The following DENND4A variants were observed in gnomAD, a reference collection of about 807,000 sequenced individuals.
DENND4A encodes C-myc promoter-binding protein.
A neutral mutation model predicts 199.3 loss-of-function variants in DENND4A; 70 were observed. The observed-to-expected ratio is 0.35, with a 90% CI of 0.29 to 0.43. DENND4A has a LOEUF of 0.43. Among genes scored for constraint, DENND4A ranks in the 20% least tolerant of loss-of-function variants. The probability of loss-of-function intolerance (pLI) is 1.00; values close to 1 mark genes in which losing one functional copy is unlikely to be tolerated. For synonymous variants in DENND4A, 686 were observed against 766.9 expected, an observed-to-expected ratio of 0.89 and a Z score of 1.74; for missense variants, 1,723 against 2,255.8, an observed-to-expected ratio of 0.76 and a Z score of 4.78.
At chr15:65,710,351 A>G (rs977483748) in intron 14 of DENND4A, among the ~76,000 whole-genome samples, 1 of 152,224 alleles carries the variant, frequency 6.6e-6, no homozygotes, top group African/African-American at 2.4e-5. Context: ...CAGTGTTCTC[A>G]TGTGGATTAA....
At chr15:65,668,191 A>G in intron 27 of DENND4A, 68 bp from the exon 28 acceptor site, 1 of 1,118,082 alleles carries the variant, frequency 8.9e-7, no homozygotes, top group Non-Finnish European at 1.2e-6. Context: ...AACAAGGATC[A>G]TGTTCTCTCT....
chr15:65,720,613 T>C (rs2075587461), intron 12 of DENND4A, among the ~76,000 whole-genome samples: 1 of 151,004 alleles, frequency 6.6e-6, no homozygotes, highest in Non-Finnish European at 1.5e-5. Flanking sequence ...GGTTTTACTA[T>C]GTCGGCCAGG....
intron 20 of DENND4A, among the ~76,000 whole-genome samples, chr15:65,699,975 G>A (rs2077292655): frequency 6.6e-6 from 1 of 151,668 alleles, no homozygotes; most frequent in African/African-American, 2.4e-5. Flanking sequence ...ATCACACCCA[G>A]CCTTAAAATG....
intron 4 of DENND4A, among the ~76,000 whole-genome samples, chr15:65,750,034 G>T (rs1251268319): frequency 6.6e-6 from 1 of 152,006 alleles, no homozygotes; most frequent in Admixed American, 6.6e-5. Context: ...GTACTTTCTG[G>T]AATACTATGC....
chr15:65,715,361 G>A (rs1380709800), intron 14 of DENND4A, 117 bp downstream of exon 14: 16 of 1,031,546 alleles, frequency 1.6e-5, no homozygotes, highest in South Asian at 1.2e-4. Flanking sequence ...AGTGGTCAAC[G>A]ATGAAAATGA....
chr15:65,670,283 A>C, intron 25 of DENND4A, 95 bp from the exon 26 acceptor site: 1 of 1,078,120 alleles, frequency 9.3e-7, no homozygotes, highest in Non-Finnish European at 1.3e-6. Context: ...GATAATTAAA[A>C]CCCAGAAGGA....
intron 3 of DENND4A, 71 bp from the exon 4 acceptor site, chr15:65,752,699 T>G (rs1425050468): frequency 1.0e-6 from 1 of 981,934 alleles, no homozygotes; most frequent in East Asian, 2.7e-5. Context: ...TCAGGCATCA[T>G]CAACTGATCC....
intron 1 of DENND4A, among the ~76,000 whole-genome samples, 162 bp downstream of exon 1, chr15:65,791,848 G>A (rs886122489): frequency 3.3e-5 from 5 of 152,162 alleles, no homozygotes; most frequent in African/African-American, 1.2e-4. Flanking sequence ...ACCGAGCCGC[G>A]GAGCACCTCC....
chr15:65,727,855 G>A, intron 11 of DENND4A: 1 of 394,150 alleles, frequency 2.5e-6, no homozygotes, highest in Non-Finnish European at 4.9e-6. Flanking sequence ...AGTTCCGATA[G>A]CTATAACTTA....
chr15:65,667,396 A>G lies in DENND4A; in HGVS notation c.5241+53T>C. The G allele has an allele frequency of 4.5e-6, 7 of 1,555,810 alleles. 1 individual carries two copies. Among genetic ancestry groups the G allele is most frequent in the Non-Finnish European group, 6.1e-6 (7 of 1,142,514 alleles). On this transcript the variant is annotated intron_variant, in intron 29 of 32. Transcript: ENST00000443035. Reference sequence around the variant, plus strand: ...CTTTTTAATCATTAGGAATATGCAAACATTACAATGGTAACAGAAGCATTC... The same window carrying G: ...CTTTTTAATCATTAGGAATATGCAAGCATTACAATGGTAACAGAAGCATTC...
At chr15:65,732,158 CAAGTA>C (rs992073960) in intron 8 of DENND4A, among the ~76,000 whole-genome samples, 6 of 151,974 alleles carry the variant, frequency 3.9e-5, no homozygotes, top group East Asian at 1.9e-4. Flanking sequence ...GATCAGATGA[CAAGTA>C]AAGACTAAAA....
At chr15:65,694,146 A>T (rs1472699434) in intron 22 of DENND4A, among the ~76,000 whole-genome samples, 1 of 152,190 alleles carries the variant, frequency 6.6e-6, no homozygotes, top group Non-Finnish European at 1.5e-5. Flanking sequence ...TCAAAACATT[A>T]AATTCTCAAG....
chr15:65,721,387 T>C (rs1348338081), intron 12 of DENND4A, among the ~76,000 whole-genome samples: 4 of 152,110 alleles, frequency 2.6e-5, no homozygotes, highest in African/African-American at 9.7e-5. Flanking sequence ...CTATACACTA[T>C]GATGAATCCT....
intron 11 of DENND4A, among the ~76,000 whole-genome samples, chr15:65,726,718 G>A (rs2075811979): frequency 6.6e-6 from 1 of 152,170 alleles, no homozygotes; most frequent in African/African-American, 2.4e-5. Flanking sequence ...CCCTTTGGGA[G>A]GCCGAGGCAG....
chr15:65,764,674 T>TA (rs780717776), intron 1 of DENND4A, among the ~76,000 whole-genome samples: 3 of 147,882 alleles, frequency 2.0e-5, no homozygotes, highest in East Asian at 2.0e-4. Flanking sequence ...TAAAAGAAAT[T>TA]AAAAAAAAAT....
intron 24 of DENND4A, among the ~76,000 whole-genome samples, chr15:65,675,830 C>A: frequency 6.6e-6 from 1 of 152,072 alleles, no homozygotes. Context: ...GGCAATAGCA[C>A]TTCAAGGAAG....
At chr15:65,689,412 A>C (rs1483019445) in intron 23 of DENND4A, among the ~76,000 whole-genome samples, 1 of 152,144 alleles carries the variant, frequency 6.6e-6, no homozygotes, top group East Asian at 1.9e-4. Flanking sequence ...AAAAACTGTA[A>C]GGATTCTAAC....
chr15:65,733,784 C>G (rs986695297), intron 7 of DENND4A, among the ~76,000 whole-genome samples: 2 of 152,106 alleles, frequency 1.3e-5, no homozygotes, highest in African/African-American at 4.8e-5. Flanking sequence ...ATGACCTTAC[C>G]CCCAACGCCG....
In DENND4A at chr15:65,671,850, T is replaced by G. The variant is rs774187447; in HGVS notation, c.4406A>C (p.Glu1469Ala). 5.0e-6 allele frequency: 8 copies of G among 1,613,060 alleles called. No homozygotes were observed. The highest frequency in any genetic ancestry group is 6.8e-6 in the Non-Finnish European group (8 of 1,179,044). Reference protein sequence around the residue: ...LSKFALPGKSEVTSSFNASNT... With the variant: ...LSKFALPGKSAVTSSFNASNT... ...ACTCGCGTTGAAGGAAGATGTCACTTCTGATTTCCCAGGTAAGGCAAACTT... is the reference window on the plus strand; with the variant it reads ...ACTCGCGTTGAAGGAAGATGTCACTGCTGATTTCCCAGGTAAGGCAAACTT... The change falls in exon 25 of 33, where the codon GAA becomes GCA. Residue 1469 changes from glutamate to alanine, a missense_variant. Around this residue, in one of 6 missense-constraint regions of DENND4A, gnomAD observed 650 missense variants for 738.1 expected, o/e 0.88. Transcript: ENST00000443035.
Sources: allele counts gnomAD v4.1 joint callset (sites outside exome capture counted in the v4.1 genomes callset), GRCh38; gene constraint gnomAD v4.1.1; regional missense constraint gnomAD v4.1.1; transcripts MANE v1.5; gene names NCBI Gene and HGNC (gene_info 2026-07-23, HGNC 2026-07-21).